Variants in PLXNA2 observed in about 807,000 individuals in gnomAD.
PLXNA2 encodes plexin-A2.
In PLXNA2, 91 loss-of-function variants were observed where a neutral mutation model predicts 193.5. That is an observed-to-expected ratio of 0.47 (90% CI 0.40 to 0.56). PLXNA2 has a LOEUF of 0.56. PLXNA2 is among the 20% of genes least tolerant of loss of function. PLXNA2 has a pLI of 0.00. For missense variants in PLXNA2, 1,995 were observed against 2,503.2 expected, an observed-to-expected ratio of 0.80 and a Z score of 4.33; for synonymous variants, 997 against 1,027.3, an observed-to-expected ratio of 0.97 and a Z score of 0.56.
Position 208,079,240 on chromosome 1 carries a change from T to G in PLXNA2, c.2586+20A>C. 2 of 1,589,010 alleles carry G rather than the reference T, an allele frequency of 1.3e-6. No homozygotes were observed. On this transcript the variant is annotated intron_variant, in intron 12 of 31. Coordinates refer to ENST00000367033, the MANE Select transcript of PLXNA2 (RefSeq NM_025179.4). ...AGCTCTTGGCCACCCCTTCCTGCTC[T>G]AGAGACTTGCAGGACTTACCTCGGT...
chr1:208,236,156 G>A lies in PLXNA2; in HGVS notation c.-81+7487C>T, dbSNP rs993562820. On this transcript the variant is annotated intron_variant, in intron 1 of 31. Coordinates refer to ENST00000367033, the MANE Select transcript of PLXNA2 (RefSeq NM_025179.4). The surrounding 1 kb of genome is among the most constrained non-coding windows in gnomAD (Gnocchi z 4.4). ...CACGAGGGGCCTCCTGCCTGTGGACGGGGAAGGAGCCTGGGTCTTCCTGTC... is the reference window on the plus strand; with the variant it reads ...CACGAGGGGCCTCCTGCCTGTGGACAGGGAAGGAGCCTGGGTCTTCCTGTC... 3.3e-5 allele frequency among the ~76,000 whole-genome samples: 5 copies of A among 152,254 alleles called. No homozygotes were observed. The highest frequency in any genetic ancestry group is 4.1e-4 in the South Asian group (2 of 4,826).
chr1:208,060,615 G>A, intron 13 of PLXNA2, 71 bp downstream of exon 13: 1 of 1,413,488 alleles, frequency 7.1e-7, no homozygotes, highest in East Asian at 2.4e-5. Flanking sequence ...GGCCCAGGAA[G>A]GGAGAGGGGA....
intron 7 of PLXNA2, 66 bp from the exon 8 acceptor site, chr1:208,096,191 A>G (rs1261446805): frequency 8.2e-7 from 1 of 1,217,390 alleles, no homozygotes; most frequent in East Asian, 2.3e-5. Flanking sequence ...GACAGCCACA[A>G]AAATAAAATG....
intron 13 of PLXNA2, among the ~76,000 whole-genome samples, chr1:208,059,868 G>T (rs1278183600): frequency 6.6e-6 from 1 of 152,060 alleles, no homozygotes; most frequent in Non-Finnish European, 1.5e-5. Context: ...CGGTGGGGGG[G>T]ATCAGAGGAA....
intron 4 of PLXNA2, among the ~76,000 whole-genome samples, chr1:208,125,864 G>A (rs1054187309): frequency 3.9e-5 from 6 of 152,182 alleles, no homozygotes; most frequent in African/African-American, 1.2e-4. Context: ...GGATAGATCC[G>A]GACAGGCAGT....
At chr1:208,243,037 G>A (rs1047231075) in intron 1 of PLXNA2, among the ~76,000 whole-genome samples, 1 of 152,188 alleles carries the variant, frequency 6.6e-6, no homozygotes. Flanking sequence ...CGCAAAGGGA[G>A]CCCCGGGAGA....
Position 208,217,778 on chromosome 1 carries a change from T to C in PLXNA2, c.145A>G (p.Thr49Ala), listed in dbSNP as rs1292639584. ...STFHSENRDWTFNHLTVHQGT... is the reference protein window; with the variant it reads ...STFHSENRDWAFNHLTVHQGT... ...TGGTGGACGGTCAAGTGGTTGAAGG[T>C]CCAGTCACGATTCTCAGAGTGGAAG... Residue 49 changes from threonine (T) to alanine (A), a missense_variant, in exon 2 of 32, where the codon ACC becomes GCC. Thr to Ala is a moderately conservative substitution (Grantham distance 58). Around this residue, in one of 3 missense-constraint regions of PLXNA2, gnomAD observed 702 missense variants for 812.9 expected, o/e 0.86. Transcript: ENST00000367033. The surrounding 1 kb of genome is among the most constrained non-coding windows in gnomAD (Gnocchi z 4.7). 6.2e-7 allele frequency: 1 copy of C among 1,613,858 alleles called. No individual in the cohort carries two copies. Among genetic ancestry groups the C allele is most frequent in the Non-Finnish European group, 8.5e-7 (1 of 1,179,988 alleles).
intron 9 of PLXNA2, among the ~76,000 whole-genome samples, chr1:208,086,255 TC>T (rs1363197623): frequency 1.3e-5 from 2 of 152,166 alleles, no homozygotes; most frequent in African/African-American, 4.8e-5. Context: ...GTCAAGCATG[TC>T]ATTGCTTGTG....
chr1:208,227,931 A>C (rs888690938), intron 1 of PLXNA2, among the ~76,000 whole-genome samples: 1 of 152,236 alleles, frequency 6.6e-6, no homozygotes, highest in Non-Finnish European at 1.5e-5. Flanking sequence ...TGCTGCCATT[A>C]AACATAATGT....
intron 3 of PLXNA2, among the ~76,000 whole-genome samples, chr1:208,193,965 T>TA (rs1244652286): frequency 6.6e-6 from 1 of 150,784 alleles, no homozygotes; most frequent in Non-Finnish European, 1.5e-5. Flanking sequence ...TATTTTTAAA[T>TA]AAAAAACACT....
At chr1:208,119,932 T>C (rs1045285192) in intron 4 of PLXNA2, among the ~76,000 whole-genome samples, 1 of 152,160 alleles carries the variant, frequency 6.6e-6, no homozygotes, top group Non-Finnish European at 1.5e-5. Flanking sequence ...AACTTTCTAA[T>C]CCTTAGGGAC....
chr1:208,131,496 G>A (rs1668151276), intron 4 of PLXNA2, among the ~76,000 whole-genome samples: 2 of 152,188 alleles, frequency 1.3e-5, no homozygotes, highest in Non-Finnish European at 2.9e-5. Context: ...ACAAGGGAGC[G>A]CTCCTGGAAG....
chr1:208,191,955 G>A (rs1032695634), intron 3 of PLXNA2, among the ~76,000 whole-genome samples: 8 of 152,160 alleles, frequency 5.3e-5, no homozygotes, highest in Admixed American at 5.2e-4. Flanking sequence ...GGATCCACGA[G>A]GCGATTCTTA....
At chr1:208,233,437 T>G (rs375513736) in intron 1 of PLXNA2, among the ~76,000 whole-genome samples, 41 of 152,292 alleles carry the variant, frequency 2.7e-4, no homozygotes, top group African/African-American at 8.9e-4. Context: ...GGGCCCTGCT[T>G]TTTCTTCCTG....
chr1:208,198,650 G>A (rs903589310), intron 3 of PLXNA2, among the ~76,000 whole-genome samples: 4 of 152,208 alleles, frequency 2.6e-5, no homozygotes, highest in African/African-American at 7.2e-5. Context: ...GCCATGTCCC[G>A]AGTTTCCAGG....
intron 12 of PLXNA2, among the ~76,000 whole-genome samples, chr1:208,067,905 G>T (rs1025331569): frequency 1.3e-5 from 2 of 152,116 alleles, no homozygotes; most frequent in Non-Finnish European, 2.9e-5. Context: ...TTGACATGCT[G>T]TTCCCTGTGC....
At chr1:208,039,196 A>G (rs578221445) in intron 24 of PLXNA2, among the ~76,000 whole-genome samples, 1 of 152,200 alleles carries the variant, frequency 6.6e-6, no homozygotes, top group East Asian at 1.9e-4. Flanking sequence ...TCTTTCTCAA[A>G]GCACCAGGAC....
intron 3 of PLXNA2, among the ~76,000 whole-genome samples, chr1:208,151,173 T>C (rs1668752905): frequency 6.6e-6 from 1 of 152,176 alleles, no homozygotes; most frequent in Admixed American, 6.5e-5. Flanking sequence ...ATAATTCACA[T>C]GGAGCACACA....
chr1:208,128,287 G>T (rs1339985232), intron 4 of PLXNA2, among the ~76,000 whole-genome samples: 2 of 152,162 alleles, frequency 1.3e-5, no homozygotes, highest in Non-Finnish European at 2.9e-5. Context: ...ATGACTTAAG[G>T]ATGAAAAATG....
Sources: gnomAD v4.1 joint callset for allele counts (sites outside exome capture counted in the v4.1 genomes callset) on GRCh38, gnomAD v4.1.1 for gene constraint, gnomAD v4.1.1 regional missense constraint, Gnocchi (gnomAD v3.1) non-coding constraint, MANE v1.5 for transcripts, NCBI Gene and HGNC (gene_info 2026-07-23, HGNC 2026-07-21) for gene names.